The following CCSAP variants were observed in gnomAD, a reference collection of about 807,000 sequenced individuals.
CCSAP encodes the protein centriole, cilia and spindle-associated protein.
A neutral mutation model predicts 25.9 loss-of-function variants in CCSAP; 17 were observed. That is an observed-to-expected ratio of 0.66 (90% confidence interval 0.45 to 0.99). CCSAP has a LOEUF of 0.99. CCSAP is among the 50% of genes least tolerant of loss of function. CCSAP has a pLI of 0.00. For missense variants in CCSAP, 339 were observed against 367.8 expected, an observed-to-expected ratio of 0.92 and a Z score of 0.64; for synonymous variants, 169 against 157.1, an observed-to-expected ratio of 1.08 and a Z score of -0.57.
chr1:229,327,909 C>A (rs1356347492), intron 2 of CCSAP, among the ~76,000 whole-genome samples: 30 of 151,314 alleles, frequency 2.0e-4, no homozygotes, highest in Non-Finnish European at 2.5e-4. Context: ...TTTTAAGGGG[C>A]TTCCCCAACA....
intron 2 of CCSAP, among the ~76,000 whole-genome samples, chr1:229,338,538 AACACACACACACACACACAC>A (rs55718200): frequency 7.1e-6 from 1 of 141,818 alleles, no homozygotes; most frequent in South Asian, 2.3e-4. Flanking sequence ...CCCAAACCCC[AACACACACACACACACACAC>A]ACACACACAC....
chr1:229,326,770 G>C lies in CCSAP; in HGVS notation c.604C>G (p.His202Asp). 1 of 1,614,222 alleles carries C rather than the reference G, an allele frequency of 6.2e-7. No homozygotes were observed. The highest frequency in any genetic ancestry group is 8.5e-7 in the Non-Finnish European group (1 of 1,180,048). ...ACAGGAGCGGACGCACAGACGTTGT[G>C]AGTCTTCTGGCTTCCTGTATCGGTC... is the stretch of plus-strand genomic sequence containing the variant. ...KQTDTGSQKT[H>D]NVCASAPVHE... The change falls in exon 3 of 4, where the codon CAC becomes GAC. Residue 202 changes from histidine (H) to aspartate (D), a missense_variant. Physicochemically the swap from His to Asp is moderately conservative, Grantham distance 81. Coordinates refer to ENST00000284617, the MANE Select transcript of CCSAP (RefSeq NM_145257.5).
At chr1:229,339,095 GAAA>G (rs11328051) in intron 2 of CCSAP, among the ~76,000 whole-genome samples, 1,891 of 134,746 alleles carry the variant, frequency 0.014, 50 homozygotes, top group African/African-American at 0.049. Context: ...AAAGAAATGG[GAAA>G]AAAAAAAAAA....
intron 2 of CCSAP, among the ~76,000 whole-genome samples, chr1:229,337,702 C>CATATATATATAT (rs1394833041): frequency 0.027 from 1,280 of 47,480 alleles, 29 homozygotes; most frequent in Non-Finnish European, 0.041. Flanking sequence ...TATATATACA[C>CATATATATATAT]ATACATATAT....
intron 2 of CCSAP, among the ~76,000 whole-genome samples, chr1:229,329,594 C>T (rs942036763): frequency 6.6e-6 from 1 of 152,110 alleles, no homozygotes; most frequent in African/African-American, 2.4e-5. Flanking sequence ...CCCCTAGCTC[C>T]ACACGTGGAA....
rs1658363904 is a variant in CCSAP, at chr1:229,342,521, A to T, written c.-48-8T>A. On this transcript the variant is annotated splice_region_variant and splice_polypyrimidine_tract_variant and intron_variant, in intron 1 of 3. Coordinates refer to ENST00000284617, the MANE Select transcript of CCSAP (RefSeq NM_145257.5). This position sits in a 1 kb window ranked among gnomAD's most constrained non-coding sequence, Gnocchi z 7.5. ...CTCCTCGCTGCCCGCAGCCTACGGG[A>T]CCCGGTACACGACACAGAGGCCGCC... 3 of 1,209,832 alleles carry T rather than the reference A, an allele frequency of 2.5e-6. No individual in the cohort carries two copies. In the South Asian group the frequency reaches 8.4e-5, roughly 34 times the overall value. 74.9% of individuals were successfully genotyped at this position (1,209,832 alleles called of 1,614,324 possible).
At position 229,342,412 on chromosome 1, in the gene CCSAP, C is replaced by G. The variant is rs760694000; in HGVS notation, c.54G>C (p.Pro18=). ...AGCACGGCCCGTACTCCTCCCAGCGCGGCTCCTGGTAGCGCTTCATGTACT... is the reference window on the plus strand; with the variant it reads ...AGCACGGCCCGTACTCCTCCCAGCGGGGCTCCTGGTAGCGCTTCATGTACT... The part of the protein sequence containing the change: ...KSEYMKRYQE[P]RWEEYGPCYR... The change falls in exon 2 of 4, where the codon CCG becomes CCC. Residue 18 remains proline (P), a synonymous_variant. Coordinates refer to ENST00000284617, the MANE Select transcript of CCSAP (RefSeq NM_145257.5). The surrounding 1 kb of genome is among the most constrained non-coding windows in gnomAD (Gnocchi z 7.5). 2 of 1,455,536 alleles carry G rather than the reference C, an allele frequency of 1.4e-6. No homozygotes were observed. Among genetic ancestry groups the G allele is most frequent in the Admixed American group, 2.4e-5 (1 of 41,616 alleles). The allele number at this position is 1,455,536 out of a possible 1,614,324, so 90.2% of individuals were successfully genotyped here. A position where few individuals can be genotyped will look rare whatever the true frequency, so the allele number is the denominator to read the frequency against.
At chr1:229,326,077 C>G (rs945101832) in intron 3 of CCSAP, among the ~76,000 whole-genome samples, 3 of 152,190 alleles carry the variant, frequency 2.0e-5, no homozygotes, top group African/African-American at 4.8e-5. Flanking sequence ...GCTATCATAA[C>G]AGTATTAACG....
At position 229,342,614 on chromosome 1, in the gene CCSAP, G is replaced by T; in HGVS notation, c.-48-101C>A. ...GAGCCCCGCCCGGACGGGAGCAGGG[G>T]GCGGGTCCCGGCGAGGGCGGGGAGG... On this transcript the variant is annotated intron_variant, in intron 1 of 3. Transcript: ENST00000284617. The surrounding 1 kb of genome is among the most constrained non-coding windows in gnomAD (Gnocchi z 7.5). 2.1e-6 allele frequency: 1 copy of T among 472,080 alleles called. No homozygotes were observed. Among genetic ancestry groups the T allele is most frequent in the Non-Finnish European group, 3.4e-6 (1 of 298,026 alleles). The allele number at this position is 472,080 out of a possible 1,614,324, so 29.2% of individuals were successfully genotyped here.
At chr1:229,341,682 G>T (rs1658337429) in intron 2 of CCSAP, among the ~76,000 whole-genome samples, 1 of 152,198 alleles carries the variant, frequency 6.6e-6, no homozygotes, top group South Asian at 2.1e-4. Context: ...GCTTAGCTCT[G>T]TGGTTCTTAA....
intron 2 of CCSAP, among the ~76,000 whole-genome samples, chr1:229,337,678 A>AAAT: frequency 1.1e-4 from 7 of 65,514 alleles, no homozygotes; most frequent in African/African-American, 3.6e-4. Flanking sequence ...CTCAAAAAAA[A>AAAT]ATATATATAT....
chr1:229,342,428 T>C lies in CCSAP; in HGVS notation c.38A>G (p.Lys13Arg). The C allele has an allele frequency of 2.8e-6, 4 of 1,421,760 alleles. No homozygotes were observed. Among genetic ancestry groups the C allele is most frequent in the Non-Finnish European group, 3.7e-6 (4 of 1,080,712 alleles). The allele number at this position is 1,421,760 out of a possible 1,614,324, so 88.1% of individuals were successfully genotyped here. Residue 13 changes from lysine to arginine, a missense_variant, in exon 2 of 4, where the codon AAG (lysine) becomes AGG (arginine). Physicochemically the swap from Lys to Arg is conservative, Grantham distance 26. Transcript: ENST00000284617. This position sits in a 1 kb window ranked among gnomAD's most constrained non-coding sequence, Gnocchi z 7.5. ...CTCCCAGCGCGGCTCCTGGTAGCGC[T>C]TCATGTACTCGCTCTTCACCCCGCT... is the stretch of plus-strand genomic sequence containing the variant. ...PGSGVKSEYM[K>R]RYQEPRWEEY...
intron 3 of CCSAP, among the ~76,000 whole-genome samples, chr1:229,326,309 A>G (rs531451181): frequency 1.3e-5 from 2 of 152,240 alleles, no homozygotes; most frequent in African/African-American, 2.4e-5. Flanking sequence ...TCAATCAATC[A>G]GACAAACCAA....
In CCSAP at chr1:229,342,415, C is replaced by T. The variant is rs112195774; in HGVS notation, c.51G>A (p.Glu17=). The part of the protein sequence containing the change: ...VKSEYMKRYQ[E]PRWEEYGPCY... ...ACGGCCCGTACTCCTCCCAGCGCGG[C>T]TCCTGGTAGCGCTTCATGTACTCGC... The change falls in exon 2 of 4, where the codon GAG becomes GAA. Residue 17 remains glutamate (E), a synonymous_variant. Coordinates refer to ENST00000284617, the MANE Select transcript of CCSAP (RefSeq NM_145257.5). This position sits in a 1 kb window ranked among gnomAD's most constrained non-coding sequence, Gnocchi z 7.5. 143 of 1,446,216 alleles carry T rather than the reference C, an allele frequency of 9.9e-5. No homozygotes were observed. In the African/African-American group the frequency reaches 1.3e-3, roughly 13 times the overall value. 89.6% of individuals were successfully genotyped at this position (1,446,216 alleles called of 1,614,324 possible).
In CCSAP at chr1:229,342,479, G is replaced by T. The variant is rs1341488967; in HGVS notation, c.-14C>A. On this transcript the variant is annotated 5_prime_UTR_variant, in exon 2 of 4. Coordinates refer to ENST00000284617, the MANE Select transcript of CCSAP (RefSeq NM_145257.5). The surrounding 1 kb of genome is among the most constrained non-coding windows in gnomAD (Gnocchi z 7.5). ...CCCCGGGGACATGGTGCCGTCCGCC[G>T]CCTCGAGCGCCAGCCGCTCCTCGCT... 11 of 1,321,796 alleles carry T rather than the reference G, an allele frequency of 8.3e-6. No individual in the cohort carries two copies. The highest frequency in any genetic ancestry group is 1.1e-5 in the Non-Finnish European group (11 of 1,033,538). The allele number at this position is 1,321,796 out of a possible 1,614,324, so 81.9% of individuals were successfully genotyped here.
At chr1:229,328,592 C>A (rs773906958) in intron 2 of CCSAP, among the ~76,000 whole-genome samples, 13 of 152,218 alleles carry the variant, frequency 8.5e-5, no homozygotes, top group Non-Finnish European at 1.6e-4. Flanking sequence ...CAGGCCTGAG[C>A]CACTGCACCC....
chr1:229,325,779 A>G (rs1442872182), intron 3 of CCSAP, among the ~76,000 whole-genome samples: 1 of 152,268 alleles, frequency 6.6e-6, no homozygotes, highest in Admixed American at 6.5e-5. Context: ...AAAAGCAGGG[A>G]AAATAAAAGA....
In CCSAP at chr1:229,326,631, G is replaced by A. The variant is rs1657946627; in HGVS notation, c.636+107C>T. 46 of 1,346,230 alleles carry A rather than the reference G, an allele frequency of 3.4e-5. 1 individual carries two copies. In the South Asian group the frequency reaches 5.7e-4, roughly 17 times the overall value. The allele number at this position is 1,346,230 out of a possible 1,614,324, so 83.4% of individuals were successfully genotyped here. A position where few individuals can be genotyped will look rare whatever the true frequency, so the allele number is the denominator to read the frequency against. ...CATGCTATCCCCTAAGATCTCCCATGGGCCCAAAGCACCCAGTGGCCAAAG... is the reference window on the plus strand; with the variant it reads ...CATGCTATCCCCTAAGATCTCCCATAGGCCCAAAGCACCCAGTGGCCAAAG... On this transcript the variant is annotated intron_variant, in intron 3 of 3. Coordinates refer to ENST00000284617, the MANE Select transcript of CCSAP (RefSeq NM_145257.5).
intron 2 of CCSAP, among the ~76,000 whole-genome samples, chr1:229,334,362 G>A (rs1658147675): frequency 6.6e-6 from 1 of 152,194 alleles, no homozygotes; most frequent in East Asian, 1.9e-4. Flanking sequence ...TATGATTTTT[G>A]TGACTATTTT....
Sources: gnomAD v4.1 joint callset for allele counts (sites outside exome capture counted in the v4.1 genomes callset) on GRCh38, gnomAD v4.1.1 for gene constraint, Gnocchi (gnomAD v3.1) non-coding constraint, MANE v1.5 for transcripts, NCBI Gene and HGNC (gene_info 2026-07-23, HGNC 2026-07-21) for gene names.